Variants in SHISA9 observed in about 807,000 individuals in gnomAD.
SHISA9 encodes the protein shisa family member 9.
Under a neutral mutation model 38.0 loss-of-function variants are expected in SHISA9, and 13 were observed. That is an observed-to-expected ratio of 0.34 (90% CI 0.22 to 0.54). The LOEUF (loss-of-function observed/expected upper bound fraction) is 0.54. Ranked by LOEUF, SHISA9 falls within the 20% of genes least tolerant of loss-of-function variation. SHISA9 has a pLI of 0.91. For missense variants in SHISA9, 538 were observed against 575.8 expected (o/e 0.93, Z 0.67); for synonymous variants, 275 against 242.0 (o/e 1.14, Z -1.27).
chr16:13,481,123 C>A, the SHISA9 span, among the ~76,000 whole-genome samples: 1 of 152,184 alleles, frequency 6.6e-6, no homozygotes, highest in South Asian at 2.1e-4. Context: ...AAGCCTCAAA[C>A]CTTTGCAATT....
the SHISA9 span, among the ~76,000 whole-genome samples, chr16:13,403,670 A>G: frequency 9.5e-3 from 1,446 of 152,340 alleles, 32 homozygotes; most frequent in African/African-American, 0.033. Flanking sequence ...AAGGAGGGAA[A>G]CACATTATTA....
At chr16:13,193,994 C>T (rs926303421) in intron 2 of SHISA9, among the ~76,000 whole-genome samples, 1 of 152,182 alleles carries the variant, frequency 6.6e-6, no homozygotes, top group Admixed American at 6.5e-5. Context: ...TTTCCCACAA[C>T]TCATCCAACA....
chr16:13,324,262 G>C, the SHISA9 span, among the ~76,000 whole-genome samples: 2 of 152,132 alleles, frequency 1.3e-5, no homozygotes, highest in African/African-American at 2.4e-5. Context: ...GATTAATGCA[G>C]CTCTGAATCA....
intron 2 of SHISA9, among the ~76,000 whole-genome samples, chr16:13,071,701 G>A (rs552044643): frequency 5.0e-4 from 75 of 151,418 alleles, no homozygotes; most frequent in African/African-American, 1.7e-3. Context: ...GAAGTGGCAC[G>A]ATCTCAGGTT....
chr16:12,965,730 C>T (rs554069739), intron 2 of SHISA9, among the ~76,000 whole-genome samples: 47 of 152,286 alleles, frequency 3.1e-4, no homozygotes, highest in Admixed American at 1.0e-3. Flanking sequence ...GTACTGTCCT[C>T]TATAAAACGG....
chr16:13,484,598 A>C, the SHISA9 span, among the ~76,000 whole-genome samples: 1 of 152,212 alleles, frequency 6.6e-6, no homozygotes, highest in Non-Finnish European at 1.5e-5. Context: ...CCGTTCTCAC[A>C]TTGCTGTAAA....
chr16:13,255,763 G>C, the SHISA9 span, among the ~76,000 whole-genome samples: 2 of 152,158 alleles, frequency 1.3e-5, no homozygotes, highest in Non-Finnish European at 2.9e-5. Context: ...ATATGTGGTA[G>C]GTCTAGGGAG....
At chr16:13,264,469 G>T in the SHISA9 span, among the ~76,000 whole-genome samples, 37 of 152,166 alleles carry the variant, frequency 2.4e-4, no homozygotes, top group East Asian at 5.6e-3. Flanking sequence ...CACCGTGCTG[G>T]CCTGTTTTAA....
chr16:13,488,375 C>T, the SHISA9 span, among the ~76,000 whole-genome samples: 1 of 152,136 alleles, frequency 6.6e-6, no homozygotes, highest in African/African-American at 2.4e-5. Flanking sequence ...ATAAATGCTG[C>T]ATTTTTCTGT....
At chr16:12,940,573 G>C (rs955182861) in intron 2 of SHISA9, among the ~76,000 whole-genome samples, 2 of 152,180 alleles carry the variant, frequency 1.3e-5, no homozygotes, top group African/African-American at 4.8e-5. Context: ...AGCTGCATTA[G>C]AGAAAATAAA....
At chr16:13,434,525 C>T in the SHISA9 span, among the ~76,000 whole-genome samples, 1 of 151,336 alleles carries the variant, frequency 6.6e-6, no homozygotes, top group Non-Finnish European at 1.5e-5. Flanking sequence ...TCACACCATT[C>T]TCCTGCCTCA....
the SHISA9 span, among the ~76,000 whole-genome samples, chr16:13,252,778 C>T: frequency 4.6e-5 from 7 of 152,178 alleles, no homozygotes; most frequent in Non-Finnish European, 1.0e-4. Context: ...TTGAGTGCTC[C>T]CATATGCCCT....
At chr16:13,036,203 C>G (rs1017358095) in intron 2 of SHISA9, among the ~76,000 whole-genome samples, 1 of 152,306 alleles carries the variant, frequency 6.6e-6, no homozygotes, top group South Asian at 2.1e-4. Flanking sequence ...TTCAGAGTAG[C>G]TTTATTTGTA....
chr16:13,073,222 C>CTT lies in SHISA9; in HGVS notation c.692-130156_692-130155dup, dbSNP rs1245456928. Among the ~76,000 whole-genome samples the CTT allele has an allele frequency of 5.3e-3, 727 of 137,818 alleles. 5 individuals carry two copies. The highest frequency in any genetic ancestry group is 0.019 in the African/African-American group (647 of 34,504). The allele number at this position is 137,818 out of a possible 152,430, so 90.4% of individuals were successfully genotyped here. On this transcript the variant is annotated intron_variant, in intron 2 of 4. Coordinates refer to ENST00000558583, the MANE Select transcript of SHISA9 (RefSeq NM_001145204.3). ...CTCTCTCCTATCTCTCTCTCTCTCT[C>CTT]TTTTTTTTTTTTTTTTTGTACAACA...
the SHISA9 span, among the ~76,000 whole-genome samples, chr16:13,382,566 A>C: frequency 6.6e-6 from 1 of 151,298 alleles, no homozygotes. Flanking sequence ...AAAGAAAAAA[A>C]ACAGGCGTGG....
At chr16:13,554,364 AAACAGAGGAC>A in the SHISA9 span, among the ~76,000 whole-genome samples, 2 of 151,834 alleles carry the variant, frequency 1.3e-5, no homozygotes, top group African/African-American at 4.8e-5. Flanking sequence ...GGGGATAAGG[AAACAGAGGAC>A]TTATATGCTA....
At chr16:12,973,942 G>T (rs1008174589) in intron 2 of SHISA9, among the ~76,000 whole-genome samples, 3 of 152,180 alleles carry the variant, frequency 2.0e-5, no homozygotes, top group African/African-American at 7.2e-5. Context: ...GTTGCCTGTG[G>T]CATAAAAGTA....
At chr16:13,101,938 A>T (rs2073882903) in intron 2 of SHISA9, among the ~76,000 whole-genome samples, 1 of 152,262 alleles carries the variant, frequency 6.6e-6, no homozygotes, top group Non-Finnish European at 1.5e-5. Flanking sequence ...TCTTGATGCA[A>T]AGCATCAGGA....
At chr16:13,256,778 C>A in the SHISA9 span, among the ~76,000 whole-genome samples, 1 of 152,110 alleles carries the variant, frequency 6.6e-6, no homozygotes, top group African/African-American at 2.4e-5. Flanking sequence ...ACGGTGTTGC[C>A]TTTTGAGTAT....
Sources: gnomAD v4.1 joint callset for allele counts (sites outside exome capture counted in the v4.1 genomes callset) on GRCh38, gnomAD v4.1.1 for gene constraint, MANE v1.5 for transcripts, NCBI Gene and HGNC (gene_info 2026-07-23, HGNC 2026-07-21) for gene names.